Variants in DENND4A observed in about 807,000 individuals in gnomAD.
DENND4A encodes DENN domain containing 4A, also known as C-myc promoter-binding protein.
Under a neutral mutation model 199.3 loss-of-function variants are expected in DENND4A, and 70 were observed. The observed-to-expected ratio is 0.35, with a 90% CI of 0.29 to 0.43. The LOEUF (loss-of-function observed/expected upper bound fraction) is 0.43, where lower values mean the gene tolerates loss of function less well. Among genes scored for constraint, DENND4A ranks in the 20% least tolerant of loss-of-function variants. The pLI is 1.00. For synonymous variants in DENND4A, 686 were observed against 766.9 expected (o/e 0.89, Z 1.74); for missense variants, 1,723 against 2,255.8 (o/e 0.76, Z 4.78).
chr15:65,741,830 G>GA, intron 4 of DENND4A, 46 bp from the exon 5 acceptor site: 1 of 1,489,534 alleles, frequency 6.7e-7, no homozygotes. Context: ...TAAAAGGTAG[G>GA]AACTTGATAA....
intron 14 of DENND4A, among the ~76,000 whole-genome samples, chr15:65,710,468 C>T (rs1243188853): frequency 6.6e-6 from 1 of 152,088 alleles, no homozygotes; most frequent in Non-Finnish European, 1.5e-5. Flanking sequence ...CAAATGTATG[C>T]CACTGTTCGT....
chr15:65,660,191 T>C lies in DENND4A; in HGVS notation c.*1660A>G. On this transcript the variant is annotated 3_prime_UTR_variant, in exon 33 of 33. Transcript: ENST00000443035. ...TTTACAAAGGAGAGGCAGATATATGTGCCTAGCACCAGATTTTTCAAGTAA... is the reference window on the plus strand; with the variant it reads ...TTTACAAAGGAGAGGCAGATATATGCGCCTAGCACCAGATTTTTCAAGTAA... 1.1e-6 allele frequency: 1 copy of C among 879,470 alleles called. No individual in the cohort carries two copies. Among genetic ancestry groups the C allele is most frequent in the South Asian group, 1.4e-5 (1 of 69,018 alleles). 54.5% of individuals were successfully genotyped at this position (879,470 alleles called of 1,614,324 possible).
chr15:65,778,732 T>C (rs2077352323), intron 1 of DENND4A, among the ~76,000 whole-genome samples: 1 of 151,656 alleles, frequency 6.6e-6, no homozygotes, highest in Admixed American at 6.6e-5. Context: ...CCGTCTCTAC[T>C]AAAAATACAA....
At position 65,720,947 on chromosome 15, in the gene DENND4A, T is replaced by TTCTATATATATATATATATATATATA. The variant is rs1435137020; in HGVS notation, c.1588+1900_1588+1901insTATATATATATATATATATATATAGA. On this transcript the variant is annotated intron_variant, in intron 12 of 32. Coordinates refer to ENST00000443035, the MANE Select transcript of DENND4A (RefSeq NM_001320835.1). ...AAAGTTGAATGGGCTGTTTCATTGATTATATATATATATATATATATATAT... is the reference window on the plus strand; with the variant it reads ...AAAGTTGAATGGGCTGTTTCATTGATTCTATATATATATATATATATATATATATATATATATATATATATATATAT... Among the ~76,000 whole-genome samples the TTCTATATATATATATATATATATATA allele has an allele frequency of 1.6e-3, 121 of 76,254 alleles. 1 individual carries two copies. Among genetic ancestry groups the TTCTATATATATATATATATATATATA allele is most frequent in the Non-Finnish European group, 2.4e-3 (87 of 36,378 alleles). The allele number at this position is 76,254 out of a possible 152,430, so 50.0% of individuals were successfully genotyped here.
At chr15:65,740,045 GCT>G (rs2076215216) in intron 5 of DENND4A, among the ~76,000 whole-genome samples, 1 of 152,164 alleles carries the variant, frequency 6.6e-6, no homozygotes, top group African/African-American at 2.4e-5. Flanking sequence ...GCCAGGTGTG[GCT>G]GTGTGTGCCT....
At chr15:65,779,122 A>C (rs916007465) in intron 1 of DENND4A, among the ~76,000 whole-genome samples, 1 of 151,960 alleles carries the variant, frequency 6.6e-6, no homozygotes, top group Non-Finnish European at 1.5e-5. Flanking sequence ...AAAAATTAGA[A>C]GGAAAAAAAA....
Position 65,707,586 on chromosome 15 carries a change from C to T in DENND4A, c.1954-1362G>A, listed in dbSNP as rs867266647. Among the ~76,000 whole-genome samples the T allele has an allele frequency of 7.9e-5, 12 of 151,772 alleles. No individual in the cohort carries two copies. In the South Asian group the frequency reaches 1.7e-3, roughly 21 times the overall value. ...TGGTATATCCATACAGTGAACTAGA[C>T]AAAAATTAGGACACGATTCAGAATT... On this transcript the variant is annotated intron_variant, in intron 14 of 32. Transcript: ENST00000443035.
chr15:65,775,444 C>T (rs1487433395), intron 1 of DENND4A, among the ~76,000 whole-genome samples: 2 of 151,604 alleles, frequency 1.3e-5, no homozygotes, highest in Non-Finnish European at 2.9e-5. Flanking sequence ...AGTTCAAGAC[C>T]AGCCTGGCCA....
chr15:65,695,655 T>C (rs1393055818), intron 22 of DENND4A, among the ~76,000 whole-genome samples: 3 of 152,146 alleles, frequency 2.0e-5, no homozygotes, highest in Non-Finnish European at 2.9e-5. Flanking sequence ...CATGCAAAAG[T>C]AAGCTAATAC....
intron 7 of DENND4A, among the ~76,000 whole-genome samples, chr15:65,735,599 A>G (rs183723769): frequency 1.0e-3 from 155 of 152,300 alleles, no homozygotes; most frequent in Non-Finnish European, 1.6e-3. Context: ...TATTGGCAGT[A>G]AATATTACTA....
chr15:65,700,969 A>T lies in DENND4A; in HGVS notation c.2701+82T>A. ...AAAAACTAAAACATTCAATATTTTAAAACTATTTAAAATTTCTAAAAATGT... is the reference window on the plus strand; with the variant it reads ...AAAAACTAAAACATTCAATATTTTATAACTATTTAAAATTTCTAAAAATGT... On this transcript the variant is annotated intron_variant, in intron 19 of 32. Coordinates refer to ENST00000443035, the MANE Select transcript of DENND4A (RefSeq NM_001320835.1). 2.1e-6 allele frequency: 3 copies of T among 1,438,032 alleles called. No homozygotes were observed. In the South Asian group the frequency reaches 3.9e-5, roughly 19 times the overall value. The allele number at this position is 1,438,032 out of a possible 1,614,324, so 89.1% of individuals were successfully genotyped here.
intron 5 of DENND4A, among the ~76,000 whole-genome samples, chr15:65,740,857 G>A (rs2076242410): frequency 6.6e-6 from 1 of 151,872 alleles, no homozygotes; most frequent in Non-Finnish European, 1.5e-5. Flanking sequence ...AGGTACTAGG[G>A]AGACTGAGGC....
Position 65,667,644 on chromosome 15 carries a change from A to G in DENND4A, c.5046T>C (p.Leu1682=). 1 of 1,613,974 alleles carries G rather than the reference A, an allele frequency of 6.2e-7. No homozygotes were observed. Among genetic ancestry groups the G allele is most frequent in the Non-Finnish European group, 8.5e-7 (1 of 1,179,826 alleles). The stretch of plus-strand genomic sequence containing the variant: ...GTTCTTTCCATACCACTAAAGGACT[A>G]AGATACGGAACAGTGACAGGATCGG... ...PSPDPVTVPY[L]SPLVVWKELE... Residue 1682 remains leucine (L), a synonymous_variant, in exon 29 of 33, where the codon CTT becomes CTC. Transcript: ENST00000443035.
At position 65,717,762 on chromosome 15, in the gene DENND4A, C is replaced by A. The variant is rs1427693162; in HGVS notation, c.1807+16G>T. ...GCTCAATAACCTGAAAGCTTTAAAA[C>A]TATGCAGTCACTCACCTTGTAGGGC... On this transcript the variant is annotated intron_variant, in intron 13 of 32. Transcript: ENST00000443035. 1.9e-6 allele frequency: 3 copies of A among 1,569,282 alleles called. No individual in the cohort carries two copies. The highest frequency in any genetic ancestry group is 1.7e-6 in the Non-Finnish European group (2 of 1,157,284).
intron 23 of DENND4A, among the ~76,000 whole-genome samples, chr15:65,677,220 A>ATT (rs1292980972): frequency 6.6e-6 from 1 of 151,544 alleles, no homozygotes; most frequent in Non-Finnish European, 1.5e-5. Flanking sequence ...TAGGGCAAAA[A>ATT]TTTTTTTTTG....
At chr15:65,730,369 C>A (rs1479004288) in intron 9 of DENND4A, among the ~76,000 whole-genome samples, 1 of 151,978 alleles carries the variant, frequency 6.6e-6, no homozygotes, top group Admixed American at 6.5e-5. Context: ...CTGGAATAAT[C>A]TTTTAAATAA....
chr15:65,696,419 C>T lies in DENND4A; in HGVS notation c.3029G>A (p.Arg1010His), dbSNP rs370102956. 11 of 1,612,502 alleles carry T rather than the reference C, an allele frequency of 6.8e-6. No individual in the cohort carries two copies. The highest frequency in any genetic ancestry group is 5.9e-6 in the Non-Finnish European group (7 of 1,179,006). Residue 1010 changes from arginine to histidine, a missense_variant, in exon 22 of 33, where the codon CGC becomes CAC. Arg to His is a conservative substitution (Grantham distance 29). Transcript: ENST00000443035. Reference sequence around the variant, plus strand: ...ACTGTTGTTACTTGTACCAGTGAGGCGAACGATACTGGAAGAATTTTGATA... The same window carrying T: ...ACTGTTGTTACTTGTACCAGTGAGGTGAACGATACTGGAAGAATTTTGATA... ...LSYQNSSSIV[R>H]LTGTSNNSAG...
intron 7 of DENND4A, among the ~76,000 whole-genome samples, chr15:65,733,609 G>C (rs1380344552): frequency 6.6e-6 from 1 of 152,020 alleles, no homozygotes; most frequent in Non-Finnish European, 1.5e-5. Context: ...GACATGACAG[G>C]ATATGTAAAA....
chr15:65,660,151 A>G lies in DENND4A; in HGVS notation c.*1700T>C. The G allele has an allele frequency of 1.6e-6, 1 of 628,526 alleles. No homozygotes were observed. The highest frequency in any genetic ancestry group is 2.8e-6 in the Non-Finnish European group (1 of 355,960). 38.9% of individuals were successfully genotyped at this position (628,526 alleles called of 1,614,324 possible). On this transcript the variant is annotated 3_prime_UTR_variant, in exon 33 of 33. Transcript: ENST00000443035. ...AGCTTGGATCTGAATAGTAAAGAAT[A>G]ATATTGGAGTGGTATTTACAAAGGA...
Sources: gnomAD v4.1 joint callset for allele counts (sites outside exome capture counted in the v4.1 genomes callset) on GRCh38, gnomAD v4.1.1 for gene constraint, MANE v1.5 for transcripts, NCBI Gene and HGNC (gene_info 2026-07-23, HGNC 2026-07-21) for gene names.